Variants in WDR72 observed in about 807,000 individuals in gnomAD.
WDR72 encodes the protein WD repeat-containing protein 72.
Under a neutral mutation model 124.2 loss-of-function variants are expected in WDR72, and 120 were observed. The observed-to-expected ratio is 0.97, with a 90% CI of 0.83 to 1.12. The LOEUF (loss-of-function observed/expected upper bound fraction) is 1.12, where lower values mean the gene tolerates loss of function less well. WDR72 is among the 50% of genes most tolerant of loss of function. WDR72 has a pLI of 0.00. For synonymous variants in WDR72, 452 were observed against 441.7 expected, an observed-to-expected ratio of 1.02 and a Z score of -0.29; for missense variants, 1,387 against 1,278.8, an observed-to-expected ratio of 1.08 and a Z score of -1.29.
chr15:53,525,203 A>C (rs544196904), intron 18 of WDR72, among the ~76,000 whole-genome samples: 16 of 152,184 alleles, frequency 1.1e-4, no homozygotes, highest in African/African-American at 3.9e-4. Context: ...GGTATAGTTA[A>C]ATGTATCAGT....
chr15:53,570,328 C>T (rs1894470266), intron 18 of WDR72, among the ~76,000 whole-genome samples: 3 of 150,168 alleles, frequency 2.0e-5, no homozygotes, highest in African/African-American at 4.9e-5. Context: ...GAATACAATA[C>T]ATTGTTCTTA....
intron 18 of WDR72, among the ~76,000 whole-genome samples, chr15:53,570,733 A>G (rs1372631136): frequency 6.6e-6 from 1 of 152,114 alleles, no homozygotes; most frequent in African/African-American, 2.4e-5. Flanking sequence ...ATTACTGGAT[A>G]TTTACCCAAA....
intron 17 of WDR72, among the ~76,000 whole-genome samples, chr15:53,599,423 A>G (rs935822971): frequency 2.6e-5 from 4 of 152,178 alleles, no homozygotes; most frequent in Non-Finnish European, 5.9e-5. Flanking sequence ...CAGTTACCAC[A>G]AATCCAACCT....
chr15:53,750,594 T>C (rs141171346), intron 1 of WDR72, among the ~76,000 whole-genome samples: 1 of 152,322 alleles, frequency 6.6e-6, no homozygotes, highest in African/African-American at 2.4e-5. Flanking sequence ...ATAGCTGCCA[T>C]AGGTAGAGAT....
At chr15:53,762,592 G>T (rs2019079295), upstream of WDR72, 1 of 152,192 alleles carries the variant, frequency 6.6e-6, no homozygotes, top group African/African-American at 2.4e-5. Context: ...AAGTCTGCAG[G>T]TTCTTATATC....
intron 14 of WDR72, among the ~76,000 whole-genome samples, chr15:53,646,788 T>C (rs2015057698): frequency 6.6e-6 from 1 of 151,668 alleles, no homozygotes. Flanking sequence ...AAACGTCAAA[T>C]AAAAGCTCTG....
intron 18 of WDR72, among the ~76,000 whole-genome samples, chr15:53,579,488 T>C (rs1197517007): frequency 6.6e-6 from 1 of 152,030 alleles, no homozygotes; most frequent in African/African-American, 2.4e-5. Flanking sequence ...TGCCACTTAA[T>C]GGAGAAAACA....
At chr15:53,714,293 G>A in intron 6 of WDR72, 141 bp downstream of exon 6, 1 of 735,366 alleles carries the variant, frequency 1.4e-6, no homozygotes, top group African/African-American at 1.8e-5. Context: ...GATGGATGGG[G>A]GAAATATATG....
Position 53,585,362 on chromosome 15 carries a change from T to G in WDR72, c.3148+11717A>C, listed in dbSNP as rs8039727. On this transcript the variant is annotated intron_variant, in intron 18 of 19. Coordinates refer to ENST00000360509, the MANE Select transcript of WDR72 (RefSeq NM_182758.4). ...TCTCATGACAACTCCCTCACTATCATGAGAACAGCATGGAGGAAACCGCCC... is the reference window on the plus strand; with the variant it reads ...TCTCATGACAACTCCCTCACTATCAGGAGAACAGCATGGAGGAAACCGCCC... Among the ~76,000 whole-genome samples, 1,445 of 151,982 alleles carry G rather than the reference T, an allele frequency of 9.5e-3. 33 individuals are homozygous for G. Among genetic ancestry groups the G allele is most frequent in the African/African-American group, 0.034 (1,393 of 41,498 alleles).
At chr15:53,706,350 GTA>G (rs56246540) in intron 9 of WDR72, among the ~76,000 whole-genome samples, 608 of 25,660 alleles carry the variant, frequency 0.024, 2 homozygotes, top group South Asian at 0.042. Flanking sequence ...GTGTGTGTGT[GTA>G]TATATATATA....
At chr15:53,534,746 T>C (rs990112309) in intron 18 of WDR72, among the ~76,000 whole-genome samples, 1 of 152,170 alleles carries the variant, frequency 6.6e-6, no homozygotes, top group Non-Finnish European at 1.5e-5. Flanking sequence ...AGCTGTATTA[T>C]GGATACATGA....
At chr15:53,560,213 TG>T (rs1259913277) in intron 18 of WDR72, among the ~76,000 whole-genome samples, 1 of 151,914 alleles carries the variant, frequency 6.6e-6, no homozygotes, top group Non-Finnish European at 1.5e-5. Flanking sequence ...AGGTCTTTCA[TG>T]GTGCTCTCTG....
chr15:53,679,531 G>T (rs1210506538), intron 13 of WDR72, among the ~76,000 whole-genome samples: 1 of 152,184 alleles, frequency 6.6e-6, no homozygotes, highest in African/African-American at 2.4e-5. Context: ...ATATGAGGCT[G>T]AGGATGGAGA....
chr15:53,752,764 A>G (rs2018805034), intron 1 of WDR72, among the ~76,000 whole-genome samples: 1 of 152,222 alleles, frequency 6.6e-6, no homozygotes, highest in South Asian at 2.1e-4. Context: ...TCAATTCCTG[A>G]AACATATATT....
intron 1 of WDR72, among the ~76,000 whole-genome samples, chr15:53,739,987 T>C (rs1404670522): frequency 6.6e-6 from 1 of 152,180 alleles, no homozygotes; most frequent in Non-Finnish European, 1.5e-5. Context: ...CCGAGGAACA[T>C]TTGCCAGGTA....
chr15:53,677,163 A>G (rs952134740), intron 13 of WDR72, among the ~76,000 whole-genome samples: 8 of 151,694 alleles, frequency 5.3e-5, no homozygotes, highest in African/African-American at 1.9e-4. Flanking sequence ...CTCATGATCC[A>G]CCCGCCTTGG....
intron 18 of WDR72, among the ~76,000 whole-genome samples, chr15:53,524,010 G>A (rs992664302): frequency 4.6e-5 from 7 of 152,054 alleles, no homozygotes; most frequent in African/African-American, 1.7e-4. Flanking sequence ...GACTAATTCT[G>A]TTTGAGAAAC....
At chr15:53,716,348 T>G (rs1015861683) in intron 4 of WDR72, among the ~76,000 whole-genome samples, 16 of 152,172 alleles carry the variant, frequency 1.1e-4, no homozygotes, top group Non-Finnish European at 1.9e-4. Context: ...ACTAAGGCAA[T>G]ATATGGAAAT....
At chr15:53,580,258 A>G (rs2011844417) in intron 18 of WDR72, among the ~76,000 whole-genome samples, 1 of 152,174 alleles carries the variant, frequency 6.6e-6, no homozygotes, top group African/African-American at 2.4e-5. Context: ...GAAATAATGC[A>G]AAGTGAAAAT....
Sources: gnomAD v4.1 joint callset for allele counts (sites outside exome capture counted in the v4.1 genomes callset) on GRCh38, gnomAD v4.1.1 for gene constraint, MANE v1.5 for transcripts, NCBI Gene and HGNC (gene_info 2026-07-23, HGNC 2026-07-21) for gene names.